VPS4B: variants seen among roughly 807,000 people sequenced by gnomAD.
VPS4B encodes vacuolar protein sorting 4 homolog B.
VPS4B carries 23 observed loss-of-function variants against 56.1 expected under a neutral mutation model. The ratio of observed to expected loss-of-function variants is 0.41; its 90% CI spans 0.30 to 0.58. The LOEUF is 0.58. Ranked by LOEUF, VPS4B falls within the 20% of genes least tolerant of loss-of-function variation. VPS4B has a pLI of 0.29. For synonymous variants in VPS4B, 177 were observed against 186.0 expected, an observed-to-expected ratio of 0.95 and a Z score of 0.39; for missense variants, 372 against 531.9, an observed-to-expected ratio of 0.70 and a Z score of 2.96.
At chr18:63,414,692 C>T (rs1297662935) in intron 1 of VPS4B, among the ~76,000 whole-genome samples, 1 of 152,202 alleles carries the variant, frequency 6.6e-6, no homozygotes, top group Non-Finnish European at 1.5e-5. Flanking sequence ...GCCTCAGCCT[C>T]CCAAAGTGCT....
Position 63,399,276 on chromosome 18 carries a change from T to C in VPS4B, c.838A>G (p.Ile280Val), listed in dbSNP as rs895709121. 2.5e-6 allele frequency: 4 copies of C among 1,614,106 alleles called. No individual in the cohort carries two copies. The highest frequency in any genetic ancestry group is 3.4e-6 in the Non-Finnish European group (4 of 1,179,958). The change falls in exon 8 of 11, where the codon ATA becomes GTA. Residue 280 changes from isoleucine (I) to valine (V), a missense_variant. By Grantham distance (29) the Ile-to-Val change is conservative. Around this residue, in one of 3 missense-constraint regions of VPS4B, gnomAD observed 66 missense variants for 150.7 expected, o/e 0.44. Transcript: ENST00000238497. ...ATGGCAGAATCCAGAACCCAGGGTA[T>C]ATTTGTAGCTCCCAGAACCAAAATT... ...DGILVLGATNIPWVLDSAIRR... is the reference protein window; with the variant it reads ...DGILVLGATNVPWVLDSAIRR...
At chr18:63,402,638 TGAA>T (rs1206812662) in intron 5 of VPS4B, among the ~76,000 whole-genome samples, 1 of 152,218 alleles carries the variant, frequency 6.6e-6, no homozygotes, top group Non-Finnish European at 1.5e-5. Flanking sequence ...GAAAAATTCA[TGAA>T]GATGATACAT....
At chr18:63,403,263 CT>C (rs1190651396) in intron 5 of VPS4B, among the ~76,000 whole-genome samples, 3 of 152,202 alleles carry the variant, frequency 2.0e-5, no homozygotes, top group Non-Finnish European at 4.4e-5. Context: ...ATCTTATCCC[CT>C]AGGCATATAT....
intron 1 of VPS4B, among the ~76,000 whole-genome samples, chr18:63,417,994 T>C (rs1028610588): frequency 2.0e-5 from 3 of 152,292 alleles, no homozygotes; most frequent in East Asian, 1.9e-4. Context: ...AGACCAATTC[T>C]TTCTCCTCTG....
At position 63,422,340 on chromosome 18, in the gene VPS4B, A is replaced by T. The variant is rs1916326535; in HGVS notation, c.-81T>A. On this transcript the variant is annotated 5_prime_UTR_variant, in exon 1 of 11. Transcript: ENST00000238497. Reference sequence around the variant, plus strand: ...GCAACGTCGAAGCGCGCACGGGGTAACAGCCCTCAAACTGGGGAGGCCGGT... The same window carrying T: ...GCAACGTCGAAGCGCGCACGGGGTATCAGCCCTCAAACTGGGGAGGCCGGT... 7.4e-7 allele frequency: 1 copy of T among 1,355,182 alleles called. No individual in the cohort carries two copies. Among genetic ancestry groups the T allele is most frequent in the East Asian group, 2.9e-5 (1 of 34,532 alleles). 83.9% of individuals were successfully genotyped at this position (1,355,182 alleles called of 1,614,324 possible).
intron 1 of VPS4B, among the ~76,000 whole-genome samples, chr18:63,421,402 G>A (rs914963532): frequency 1.3e-5 from 2 of 152,154 alleles, no homozygotes; most frequent in Admixed American, 6.5e-5. Context: ...CCACGACGGG[G>A]ACTCAATACA....
intron 4 of VPS4B, among the ~76,000 whole-genome samples, chr18:63,404,117 T>C (rs1460986919): frequency 2.0e-5 from 3 of 152,144 alleles, no homozygotes; most frequent in Non-Finnish European, 4.4e-5. Context: ...TTAGATAGGT[T>C]GGTGCGAAAA....
At chr18:63,402,542 A>G (rs1348931842) in intron 5 of VPS4B, among the ~76,000 whole-genome samples, 1 of 152,208 alleles carries the variant, frequency 6.6e-6, no homozygotes, top group African/African-American at 2.4e-5. Context: ...ATGTCTCTGT[A>G]TATTTATGCT....
intron 1 of VPS4B, among the ~76,000 whole-genome samples, chr18:63,411,899 T>C (rs944006210): frequency 6.6e-6 from 1 of 152,084 alleles, no homozygotes; most frequent in African/African-American, 2.4e-5. Flanking sequence ...TTAGGGCTAA[T>C]AAGAAATAAT....
chr18:63,410,594 A>G (rs1457094383), intron 2 of VPS4B, 148 bp from the exon 3 acceptor site: 22 of 1,097,202 alleles, frequency 2.0e-5, no homozygotes, highest in Middle Eastern at 3.0e-4. Context: ...GCCAATGATT[A>G]TCACCTCTTT....
intron 1 of VPS4B, among the ~76,000 whole-genome samples, chr18:63,414,216 TAAA>T (rs771979530): frequency 2.6e-5 from 4 of 151,776 alleles, no homozygotes; most frequent in South Asian, 2.1e-4. Context: ...ACCCCATCTC[TAAA>T]AATACAAAAA....
intron 4 of VPS4B, chr18:63,404,485 T>C (rs548412086): frequency 1.3e-5 from 2 of 152,336 alleles, no homozygotes; most frequent in Non-Finnish European, 1.5e-5. Context: ...TTACAACTTT[T>C]GTTAATTAAC....
At chr18:63,393,147 C>G (rs1011226338) in intron 10 of VPS4B, among the ~76,000 whole-genome samples, 3 of 152,148 alleles carry the variant, frequency 2.0e-5, no homozygotes, top group Non-Finnish European at 4.4e-5. Flanking sequence ...GATATTCTAG[C>G]TATAAGACCT....
chr18:63,419,364 C>G (rs1916241623), intron 1 of VPS4B, among the ~76,000 whole-genome samples: 1 of 152,034 alleles, frequency 6.6e-6, no homozygotes, highest in Non-Finnish European at 1.5e-5. Context: ...TTACCATAAG[C>G]CGAGATCATG....
intron 9 of VPS4B, among the ~76,000 whole-genome samples, chr18:63,395,265 CA>C (rs1465976986): frequency 6.6e-6 from 1 of 152,038 alleles, no homozygotes; most frequent in African/African-American, 2.4e-5. Flanking sequence ...TTCTAAATGG[CA>C]AAGAGAATTT....
At chr18:63,403,868 T>G in intron 4 of VPS4B, 42 bp from the exon 5 acceptor site, 3 of 1,574,578 alleles carry the variant, frequency 1.9e-6, no homozygotes, top group Non-Finnish European at 2.6e-6. Context: ...AAAGACTATT[T>G]CACCAAAGTT....
intron 10 of VPS4B, 76 bp from the exon 11 acceptor site, chr18:63,391,152 A>G (rs969408276): frequency 2.1e-6 from 2 of 942,770 alleles, no homozygotes; most frequent in Non-Finnish European, 3.3e-6. Context: ...TATTATCATT[A>G]TTGCTATGAA....
chr18:63,400,784 A>AT, intron 5 of VPS4B, 81 bp from the exon 6 acceptor site: 6 of 1,335,382 alleles, frequency 4.5e-6, no homozygotes, highest in Non-Finnish European at 6.2e-6. Flanking sequence ...CTCTGGAAAG[A>AT]TTTTCACTCT....
rs756451681 is a variant in VPS4B, at chr18:63,391,115, T to C, written c.1234-39A>G. 21 of 1,340,620 alleles carry C rather than the reference T, an allele frequency of 1.6e-5. No individual in the cohort carries two copies. In the South Asian group the frequency reaches 1.7e-4, roughly 11 times the overall value. 83.0% of individuals were successfully genotyped at this position (1,340,620 alleles called of 1,614,324 possible). On this transcript the variant is annotated intron_variant, in intron 10 of 10. Transcript: ENST00000238497. ...AGAAGGGTAGGGAGGATATTAATAA[T>C]AGAGTTAACAAAATAAAAAACCGTC... is the stretch of plus-strand genomic sequence containing the variant.
Sources: allele counts gnomAD v4.1 joint callset (sites outside exome capture counted in the v4.1 genomes callset), GRCh38; gene constraint gnomAD v4.1.1; regional missense constraint gnomAD v4.1.1; transcripts MANE v1.5; gene names NCBI Gene and HGNC (gene_info 2026-07-23, HGNC 2026-07-21).